The following PKIB variants were observed in gnomAD, a reference collection of about 807,000 sequenced individuals.
PKIB encodes the protein cAMP-dependent protein kinase inhibitor beta.
Under a neutral mutation model 4.5 loss-of-function variants are expected in PKIB, and 2 were observed. That is an observed-to-expected ratio of 0.44 (90% CI 0.18 to 1.39). The LOEUF (loss-of-function observed/expected upper bound fraction) is 1.39, where lower values mean the gene tolerates loss of function less well. Ranked by LOEUF, PKIB falls within the 40% of genes most tolerant of loss-of-function variation. PKIB has a pLI of 0.27. For missense variants in PKIB, 94 were observed against 92.6 expected (o/e 1.02, Z -0.06); for synonymous variants, 38 against 36.0 (o/e 1.06, Z -0.20).
intron 2 of PKIB, among the ~76,000 whole-genome samples, chr6:122,581,566 G>A (rs1773705614): frequency 6.6e-6 from 1 of 152,092 alleles, no homozygotes; most frequent in Non-Finnish European, 1.5e-5. Flanking sequence ...ATGTTGGAAA[G>A]CAATTACCAA....
chr6:122,635,171 A>T (rs1045254026), intron 2 of PKIB, among the ~76,000 whole-genome samples: 2 of 152,212 alleles, frequency 1.3e-5, no homozygotes, highest in African/African-American at 2.4e-5. Context: ...CTGAGTATAC[A>T]GTGATTTATA....
At chr6:122,604,861 C>T (rs1217138259) in intron 3 of PKIB, among the ~76,000 whole-genome samples, 1 of 152,168 alleles carries the variant, frequency 6.6e-6, no homozygotes, top group Non-Finnish European at 1.5e-5. Context: ...AGACACATGA[C>T]TACAATGGTA....
intron 1 of PKIB, among the ~76,000 whole-genome samples, chr6:122,632,302 A>T (rs1264999775): frequency 6.6e-6 from 1 of 152,238 alleles, no homozygotes; most frequent in Non-Finnish European, 1.5e-5. Context: ...GTATACAAGC[A>T]GAGGAATGTT....
At chr6:122,489,101 G>A (rs1039298088) in intron 2 of PKIB, among the ~76,000 whole-genome samples, 1 of 152,000 alleles carries the variant, frequency 6.6e-6, no homozygotes, top group Admixed American at 6.6e-5. Flanking sequence ...AGCCCCAATA[G>A]TTTCCTTGGT....
At chr6:122,539,360 A>G (rs759007356) in intron 2 of PKIB, among the ~76,000 whole-genome samples, 1 of 152,050 alleles carries the variant, frequency 6.6e-6, no homozygotes, top group Non-Finnish European at 1.5e-5. Context: ...CGTCCCATCA[A>G]TACCTAATTT....
At chr6:122,689,841 G>C (rs757662918) in intron 3 of PKIB, among the ~76,000 whole-genome samples, 26 of 152,110 alleles carry the variant, frequency 1.7e-4, no homozygotes, top group Non-Finnish European at 2.9e-4. Context: ...GTCCAGTGCT[G>C]CAAGTGGGAT....
chr6:122,594,119 G>A lies in PKIB; in HGVS notation c.-161+8112G>A, dbSNP rs890223490. Among the ~76,000 whole-genome samples, 8 of 151,908 alleles carry A rather than the reference G, an allele frequency of 5.3e-5. No homozygotes were observed. In the East Asian group the frequency reaches 1.5e-3, roughly 29 times the overall value. The stretch of plus-strand genomic sequence containing the variant: ...AAATGCACCAATCCCCAACCCAAAA[G>A]CTATTACATAAAGTTAACAATACTT... On this transcript the variant is annotated intron_variant, in intron 3 of 6. Coordinates refer to the PKIB transcript ENST00000392491.
At chr6:122,709,113 A>G (rs4395767) in intron 3 of PKIB, among the ~76,000 whole-genome samples, 151,168 of 152,346 alleles carry the variant, frequency 0.99, 75,012 homozygotes, top group Middle Eastern at 1. Flanking sequence ...CACATTTATA[A>G]CATTAGTTCA....
intron 2 of PKIB, among the ~76,000 whole-genome samples, chr6:122,654,337 A>G (rs1776685538): frequency 6.6e-6 from 1 of 152,158 alleles, no homozygotes; most frequent in Admixed American, 6.5e-5. Flanking sequence ...ATAGATGCAA[A>G]GTGTATTTTC....
At chr6:122,639,233 C>T (rs1330473450) in intron 2 of PKIB, among the ~76,000 whole-genome samples, 3 of 152,060 alleles carry the variant, frequency 2.0e-5, no homozygotes. Flanking sequence ...GCAGTGAATT[C>T]TCGAGGGGAA....
intron 3 of PKIB, among the ~76,000 whole-genome samples, chr6:122,695,694 G>A (rs530136458): frequency 6.6e-6 from 1 of 151,730 alleles, no homozygotes; most frequent in Non-Finnish European, 1.5e-5. Context: ...AATTTATAAG[G>A]GCCTATGACT....
intron 2 of PKIB, among the ~76,000 whole-genome samples, chr6:122,515,038 C>T (rs960824739): frequency 3.3e-5 from 5 of 152,158 alleles, no homozygotes; most frequent in African/African-American, 4.8e-5. Flanking sequence ...AACAGTAAAA[C>T]TATTTTACTT....
At chr6:122,481,038 TAA>T (rs989592030) in intron 2 of PKIB, 5 of 152,148 alleles carry the variant, frequency 3.3e-5, no homozygotes, top group Non-Finnish European at 7.4e-5. Context: ...CATGATTATA[TAA>T]GTGTATAGAA....
intron 1 of PKIB, among the ~76,000 whole-genome samples, chr6:122,630,951 G>T (rs1775674386): frequency 6.6e-6 from 1 of 152,158 alleles, no homozygotes; most frequent in African/African-American, 2.4e-5. Context: ...GAACTCAGGG[G>T]TTGAAGGAGA....
chr6:122,633,340 C>T lies in PKIB; in HGVS notation c.-103C>T, dbSNP rs532916705. ...AGATAACTCTGGGAGAAGCAGAAAA[C>T]CCTGTGCCAGGGACAGGAAAGATAG... On this transcript the variant is annotated 5_prime_UTR_variant, in exon 2 of 5. Transcript: ENST00000368452. 2.0e-5 allele frequency: 3 copies of T among 152,212 alleles called. No individual in the cohort carries two copies. Among genetic ancestry groups the T allele is most frequent in the Non-Finnish European group, 4.4e-5 (3 of 68,006 alleles). The allele number at this position is 152,212 out of a possible 1,614,324, so 9.4% of individuals were successfully genotyped here. A position where few individuals can be genotyped will look rare whatever the true frequency, so the allele number is the denominator to read the frequency against.
At chr6:122,506,395 A>G (rs979121547) in intron 2 of PKIB, among the ~76,000 whole-genome samples, 1 of 152,186 alleles carries the variant, frequency 6.6e-6, no homozygotes, top group African/African-American at 2.4e-5. Flanking sequence ...TTTAAACCCG[A>G]ATATGAGTTT....
chr6:122,706,603 G>A (rs1456358329), intron 3 of PKIB, among the ~76,000 whole-genome samples: 1 of 152,156 alleles, frequency 6.6e-6, no homozygotes, highest in African/African-American at 2.4e-5. Flanking sequence ...TCTGTTACTT[G>A]CTAGCTAGGT....
chr6:122,533,448 C>G (rs890944873), intron 2 of PKIB, among the ~76,000 whole-genome samples: 1 of 152,114 alleles, frequency 6.6e-6, no homozygotes, highest in Non-Finnish European at 1.5e-5. Context: ...GTGGCCAGCC[C>G]TTATTTAATT....
chr6:122,656,524 C>T (rs574301524), intron 2 of PKIB, among the ~76,000 whole-genome samples: 1 of 152,256 alleles, frequency 6.6e-6, no homozygotes, highest in Admixed American at 6.5e-5. Context: ...ACTGATGTAT[C>T]ACTACTGAGA....
Sources: gnomAD v4.1 joint callset for allele counts (sites outside exome capture counted in the v4.1 genomes callset) on GRCh38, gnomAD v4.1.1 for gene constraint, MANE v1.5 for transcripts, NCBI Gene and HGNC (gene_info 2026-07-23, HGNC 2026-07-21) for gene names.